The following GRAMD2B variants were observed in gnomAD, a reference collection of about 807,000 sequenced individuals.
The protein encoded by GRAMD2B is GRAM domain containing 2B.
Under a neutral mutation model 59.2 loss-of-function variants are expected in GRAMD2B, and 41 were observed. The ratio of observed to expected loss-of-function variants is 0.69; its 90% CI spans 0.54 to 0.90. GRAMD2B has a LOEUF of 0.90. GRAMD2B is among the 40% of genes least tolerant of loss of function. GRAMD2B has a pLI of 0.00. For missense variants in GRAMD2B, 424 were observed against 500.5 expected, an observed-to-expected ratio of 0.85 and a Z score of 1.46; for synonymous variants, 161 against 182.7, an observed-to-expected ratio of 0.88 and a Z score of 0.96.
chr5:126,427,160 G>A lies in GRAMD2B; in HGVS notation c.83+3471G>A, dbSNP rs760205516. 6.6e-5 allele frequency among the ~76,000 whole-genome samples: 10 copies of A among 152,224 alleles called. No homozygotes were observed. The South Asian group carries it at 1.9e-3, about 28-fold the overall frequency. The stretch of plus-strand genomic sequence containing the variant: ...AAGTTCTGGGGTACCTGTGCACAAC[G>A]TGCAGGTTTATTACATAGGAATACA... On this transcript the variant is annotated intron_variant, in intron 1 of 13. Coordinates refer to ENST00000285689, the MANE Select transcript of GRAMD2B (RefSeq NM_023927.4).
intron 1 of GRAMD2B, among the ~76,000 whole-genome samples, chr5:126,415,045 A>G (rs1759141971): frequency 6.6e-6 from 1 of 152,188 alleles, no homozygotes; most frequent in Admixed American, 6.5e-5. Context: ...CTATTACTTC[A>G]GTGCTGTATT....
At chr5:126,447,089 A>C (rs1185190509) in intron 1 of GRAMD2B, among the ~76,000 whole-genome samples, 1 of 152,180 alleles carries the variant, frequency 6.6e-6, no homozygotes, top group Non-Finnish European at 1.5e-5. Context: ...CCCTCGATGG[A>C]AATGTTCCTT....
At chr5:126,411,805 T>C (rs11949681) in intron 1 of GRAMD2B, among the ~76,000 whole-genome samples, 3 of 149,820 alleles carry the variant, frequency 2.0e-5, no homozygotes, top group Non-Finnish European at 4.4e-5. Context: ...GTTCTCCTTG[T>C]AGAGATCTTT....
upstream of GRAMD2B, among the ~76,000 whole-genome samples, chr5:126,420,822 T>C (rs1010248540): frequency 9.2e-5 from 14 of 151,952 alleles, no homozygotes; most frequent in African/African-American, 3.4e-4. Flanking sequence ...AGACAAAAGC[T>C]AGAAACAACC....
intron 1 of GRAMD2B, among the ~76,000 whole-genome samples, chr5:126,412,063 A>G (rs917706374): frequency 3.3e-5 from 5 of 152,066 alleles, no homozygotes; most frequent in African/African-American, 1.2e-4. Flanking sequence ...AAAGAGAGAT[A>G]AGTTGACTTC....
At chr5:126,374,621 T>A (rs1422273) in intron 1 of GRAMD2B, among the ~76,000 whole-genome samples, 140,175 of 152,254 alleles carry the variant, frequency 0.92, 64,934 homozygotes, top group East Asian at 1. Flanking sequence ...CCCTGAAGTC[T>A]TAAGAACATA....
chr5:126,423,823 C>T, intron 1 of GRAMD2B, 134 bp downstream of exon 1: 1 of 703,690 alleles, frequency 1.4e-6, no homozygotes, highest in Non-Finnish European at 2.3e-6. Context: ...CGCGCTCTCT[C>T]TGTCTCTCAC....
At chr5:126,423,379 C>T (rs889810265), upstream of GRAMD2B, 25 of 1,339,000 alleles carry the variant, frequency 1.9e-5, no homozygotes, top group African/African-American at 3.1e-4. Flanking sequence ...CCCTTCCCTC[C>T]CTCTCGGCTT....
intron 1 of GRAMD2B, among the ~76,000 whole-genome samples, chr5:126,374,787 C>T (rs959960161): frequency 1.7e-4 from 26 of 152,124 alleles, no homozygotes; most frequent in Admixed American, 1.2e-3. Context: ...ACTGTCCTTT[C>T]GTCACTAATC....
chr5:126,480,400 A>T, intron 6 of GRAMD2B, 56 bp from the exon 7 acceptor site: 1 of 1,298,504 alleles, frequency 7.7e-7, no homozygotes, highest in East Asian at 2.3e-5. Context: ...TGAACTCTCA[A>T]CTCTCACTTC....
chr5:126,416,517 G>C (rs192170929), intron 1 of GRAMD2B, among the ~76,000 whole-genome samples: 2 of 152,238 alleles, frequency 1.3e-5, no homozygotes, highest in Admixed American at 1.3e-4. Flanking sequence ...ACACAGGAAC[G>C]AACATGACCA....
chr5:126,432,869 A>T (rs1261163850), intron 1 of GRAMD2B, among the ~76,000 whole-genome samples: 2 of 152,232 alleles, frequency 1.3e-5, no homozygotes, highest in South Asian at 2.1e-4. Flanking sequence ...TAAAATCACA[A>T]AATATCAGAC....
At chr5:126,484,257 C>A in intron 9 of GRAMD2B, 145 bp from the exon 10 acceptor site, 1 of 865,702 alleles carries the variant, frequency 1.2e-6, no homozygotes, top group Non-Finnish European at 1.7e-6. Context: ...TCAATTTCAG[C>A]CCCAGCCACC....
chr5:126,442,537 C>A (rs1329875074), intron 1 of GRAMD2B, among the ~76,000 whole-genome samples: 1 of 152,114 alleles, frequency 6.6e-6, no homozygotes, highest in Non-Finnish European at 1.5e-5. Context: ...AATGATCCAC[C>A]CGCCTTGGCC....
intron 10 of GRAMD2B, 66 bp from the exon 11 acceptor site, chr5:126,485,620 G>T: frequency 4.4e-6 from 4 of 919,020 alleles, no homozygotes; most frequent in Non-Finnish European, 7.0e-6. Flanking sequence ...ACCCCATAGG[G>T]ATATTGCTGG....
chr5:126,477,767 A>G lies in GRAMD2B; in HGVS notation c.562A>G (p.Ile188Val). 6.2e-7 allele frequency: 1 copy of G among 1,609,246 alleles called. No homozygotes were observed. The change falls in exon 6 of 14, where the codon ATA (isoleucine) becomes GTA (valine). Residue 188 changes from isoleucine (I) to valine (V), a missense_variant. Coordinates refer to ENST00000285689, the MANE Select transcript of GRAMD2B (RefSeq NM_023927.4). ...TCTTCTAGTGCCAAACGCCCTGATC[A>G]TAGCAACAGTCACAGACAGGGTGAG... ...TALLVPNALI[I>V]ATVTDRYIFV... is the part of the protein sequence containing the mutation.
chr5:126,399,923 A>C (rs1281916415), intron 1 of GRAMD2B, among the ~76,000 whole-genome samples: 2 of 152,074 alleles, frequency 1.3e-5, no homozygotes, highest in African/African-American at 4.8e-5. Context: ...TAATCCATTC[A>C]GCCACTCTAT....
chr5:126,423,114 G>C (rs995470820), upstream of GRAMD2B: 2 of 975,174 alleles, frequency 2.1e-6, no homozygotes, highest in Non-Finnish European at 1.2e-6. Context: ...TTGTGTGACA[G>C]GGCGTCCCAC....
At chr5:126,454,422 A>G (rs1344920496) in intron 1 of GRAMD2B, among the ~76,000 whole-genome samples, 1 of 152,194 alleles carries the variant, frequency 6.6e-6, no homozygotes, top group Non-Finnish European at 1.5e-5. Flanking sequence ...ACTTTGTCTT[A>G]AAGCAGTGAC....
Sources: allele counts gnomAD v4.1 joint callset (sites outside exome capture counted in the v4.1 genomes callset), GRCh38; gene constraint gnomAD v4.1.1; transcripts MANE v1.5; gene names NCBI Gene and HGNC (gene_info 2026-07-23, HGNC 2026-07-21).